CHST8: variants seen among roughly 807,000 people sequenced by gnomAD.
CHST8 encodes the protein GALNAC-4-ST1.
In CHST8, 10 loss-of-function variants were observed where a neutral mutation model predicts 15.0. That is an observed-to-expected ratio of 0.67 (90% CI 0.41 to 1.13). The LOEUF is 1.13. Among genes scored for constraint, CHST8 ranks in the 50% most tolerant of loss-of-function variants. CHST8 has a pLI of 0.00. For synonymous variants in CHST8, 259 were observed against 256.6 expected (o/e 1.01, Z -0.09); for missense variants, 634 against 608.2 (o/e 1.04, Z -0.45).
At chr19:33,767,292 T>C (rs894638241) in intron 3 of CHST8, among the ~76,000 whole-genome samples, 3 of 152,198 alleles carry the variant, frequency 2.0e-5, no homozygotes, top group Non-Finnish European at 2.9e-5. Context: ...CAGTGGGGAT[T>C]GGGGCTTTTG....
chr19:33,706,421 C>T (rs1376323859), intron 3 of CHST8, among the ~76,000 whole-genome samples: 3 of 152,184 alleles, frequency 2.0e-5, no homozygotes, highest in Non-Finnish European at 4.4e-5. Flanking sequence ...CTCAGTATTA[C>T]TATACACCCA....
intron 1 of CHST8, among the ~76,000 whole-genome samples, chr19:33,636,591 A>C (rs1972206609): frequency 6.6e-6 from 1 of 152,250 alleles, no homozygotes; most frequent in East Asian, 1.9e-4. Context: ...ACATACCGTA[A>C]AGTGAAAGCA....
chr19:33,720,688 C>T (rs1352503628), intron 3 of CHST8, among the ~76,000 whole-genome samples: 1 of 152,236 alleles, frequency 6.6e-6, no homozygotes, highest in Non-Finnish European at 1.5e-5. Flanking sequence ...GAAGTTCTCC[C>T]CTCAAGACCA....
Position 33,772,151 on chromosome 19 carries a change from T to G in CHST8, c.363T>G (p.Ala121=). Residue 121 remains alanine (A), a synonymous_variant, in exon 5 of 5, where the codon GCT becomes GCG. Coordinates refer to ENST00000650847, the MANE Select transcript of CHST8 (RefSeq NM_001127895.2). ...RRRLLIKKMP[A]AATIPANSSD... is the part of the protein sequence containing the mutation. ...GTCTGCTCATCAAGAAAATGCCAGC[T>G]GCGGCGACCATCCCGGCCAACAGCT... 5.0e-6 allele frequency: 8 copies of G among 1,605,006 alleles called. No homozygotes were observed. The highest frequency in any genetic ancestry group is 6.8e-6 in the Non-Finnish European group (8 of 1,176,698).
At chr19:33,636,938 A>G (rs182671377) in intron 1 of CHST8, among the ~76,000 whole-genome samples, 262 of 152,150 alleles carry the variant, frequency 1.7e-3, no homozygotes, top group African/African-American at 5.8e-3. Flanking sequence ...AAGAATGGCT[A>G]CTCCATAGAC....
intron 3 of CHST8, among the ~76,000 whole-genome samples, chr19:33,767,623 G>C (rs955458810): frequency 6.6e-6 from 1 of 152,230 alleles, no homozygotes. Context: ...CATGTCATCT[G>C]TCCAGAAAGA....
intron 3 of CHST8, among the ~76,000 whole-genome samples, chr19:33,759,120 A>G (rs2145374541): frequency 6.6e-6 from 1 of 152,114 alleles, no homozygotes; most frequent in Admixed American, 6.5e-5. Context: ...CCATGAGCCA[A>G]ACACCCCCCA....
At chr19:33,722,948 A>G (rs540756668) in intron 3 of CHST8, among the ~76,000 whole-genome samples, 1 of 152,212 alleles carries the variant, frequency 6.6e-6, no homozygotes, top group Non-Finnish European at 1.5e-5. Context: ...AGTGACAGCT[A>G]ATCATTTTTC....
intron 3 of CHST8, among the ~76,000 whole-genome samples, chr19:33,752,972 C>T (rs1974449801): frequency 6.6e-6 from 1 of 152,192 alleles, no homozygotes; most frequent in Non-Finnish European, 1.5e-5. Context: ...AAGGCTTTGT[C>T]TTCTGACATT....
At chr19:33,712,974 A>T (rs1455417965) in intron 3 of CHST8, among the ~76,000 whole-genome samples, 1 of 152,078 alleles carries the variant, frequency 6.6e-6, no homozygotes, top group Admixed American at 6.5e-5. Flanking sequence ...TCCTTCAATG[A>T]TGTATATGGA....
At chr19:33,701,191 C>T (rs1599565495) in intron 3 of CHST8, among the ~76,000 whole-genome samples, 1 of 152,086 alleles carries the variant, frequency 6.6e-6, no homozygotes, top group Non-Finnish European at 1.5e-5. Flanking sequence ...CTCACCTGAG[C>T]CCAGGCCGTT....
At chr19:33,738,556 C>T (rs1309153789) in intron 3 of CHST8, among the ~76,000 whole-genome samples, 1 of 152,172 alleles carries the variant, frequency 6.6e-6, no homozygotes, top group Non-Finnish European at 1.5e-5. Flanking sequence ...TATTAGTTCT[C>T]TTTTGACATC....
Position 33,716,991 on chromosome 19 carries a change from C to T in CHST8, c.130+27600C>T, listed in dbSNP as rs147367545. On this transcript the variant is annotated intron_variant, in intron 3 of 4. Coordinates refer to ENST00000650847, the MANE Select transcript of CHST8 (RefSeq NM_001127895.2). ...AGAATTTCCTCTTTATAAGGATACC[C>T]GTTCTAGGGATCACTAGGGTACACT... Among the ~76,000 whole-genome samples, 353 of 152,196 alleles carry T rather than the reference C, an allele frequency of 2.3e-3. 1 individual carries two copies. Among genetic ancestry groups the T allele is most frequent in the African/African-American group, 7.9e-3 (329 of 41,524 alleles).
At chr19:33,764,015 C>T (rs1449786751) in intron 3 of CHST8, among the ~76,000 whole-genome samples, 2 of 152,246 alleles carry the variant, frequency 1.3e-5, no homozygotes, top group Admixed American at 6.5e-5. Flanking sequence ...AGTGGGATTG[C>T]CCCTGTCTGC....
intron 3 of CHST8, among the ~76,000 whole-genome samples, chr19:33,730,729 A>T (rs1327233291): frequency 1.3e-5 from 2 of 152,246 alleles, no homozygotes; most frequent in African/African-American, 4.8e-5. Flanking sequence ...ATTGACTCCC[A>T]CAATCACAAA....
intron 1 of CHST8, among the ~76,000 whole-genome samples, chr19:33,623,307 G>A (rs1480786677): frequency 6.6e-6 from 1 of 152,182 alleles, no homozygotes; most frequent in African/African-American, 2.4e-5. Flanking sequence ...CGTCTCCGGC[G>A]TCCCAGAGGA....
At chr19:33,745,635 G>A (rs571555876) in intron 3 of CHST8, among the ~76,000 whole-genome samples, 1 of 152,352 alleles carries the variant, frequency 6.6e-6, no homozygotes, top group African/African-American at 2.4e-5. Flanking sequence ...ACCTGTAAGG[G>A]AACGAAGGAA....
intron 3 of CHST8, among the ~76,000 whole-genome samples, chr19:33,711,547 T>C (rs1330636584): frequency 6.6e-6 from 1 of 152,222 alleles, no homozygotes; most frequent in Non-Finnish European, 1.5e-5. Flanking sequence ...CTTCTGTACT[T>C]CTGTAAGAAG....
At chr19:33,770,765 T>C (rs890295568) in intron 3 of CHST8, among the ~76,000 whole-genome samples, 1 of 152,098 alleles carries the variant, frequency 6.6e-6, no homozygotes, top group African/African-American at 2.4e-5. Flanking sequence ...GCTTAGGGCT[T>C]TGGGGGAGAC....
Sources: allele counts gnomAD v4.1 joint callset (sites outside exome capture counted in the v4.1 genomes callset), GRCh38; gene constraint gnomAD v4.1.1; transcripts MANE v1.5; gene names NCBI Gene and HGNC (gene_info 2026-07-23, HGNC 2026-07-21).